Variants in PBX3 observed in about 807,000 individuals in gnomAD.
The protein encoded by PBX3 is PBX homeobox 3, also known as pre-B-cell leukemia transcription factor 3.
PBX3 carries 14 observed loss-of-function variants against 48.5 expected under a neutral mutation model. That is an observed-to-expected ratio of 0.29 (90% CI 0.19 to 0.45). PBX3 has a LOEUF of 0.45. PBX3 is among the 20% of genes least tolerant of loss of function. The pLI is 1.00. For synonymous variants in PBX3, 210 were observed against 200.3 expected, an observed-to-expected ratio of 1.05 and a Z score of -0.41; for missense variants, 386 against 546.7, an observed-to-expected ratio of 0.71 and a Z score of 2.93.
chr9:125,889,924 C>A (rs894174468), intron 2 of PBX3, among the ~76,000 whole-genome samples: 2 of 150,384 alleles, frequency 1.3e-5, no homozygotes, highest in African/African-American at 4.8e-5. Context: ...GCAGAGCGCC[C>A]TGAGCGGTCC....
intron 2 of PBX3, among the ~76,000 whole-genome samples, chr9:125,861,432 A>G (rs1326063107): frequency 6.6e-6 from 1 of 152,202 alleles, no homozygotes; most frequent in Non-Finnish European, 1.5e-5. Context: ...CAGTTCTTCC[A>G]AAGGCTAACT....
Position 125,962,123 on chromosome 9 carries a change from T to G in PBX3, c.1031T>G (p.Leu344Arg), listed in dbSNP as rs537106888. The G allele has an allele frequency of 2.5e-6, 4 of 1,608,410 alleles. No individual in the cohort carries two copies. Among genetic ancestry groups the G allele is most frequent in the Non-Finnish European group, 3.4e-6 (4 of 1,174,988 alleles). ...CCAGGTTCTTCTGGTTCTTTTAACC[T>G]CCCAAATTCTGGGGACATGTTCATG... ...PNSGSSGSFN[L>R]PNSGDMFMNM... Residue 344 changes from leucine (L) to arginine (R), a missense_variant, in exon 7 of 9, where the codon CTC becomes CGC. Leu to Arg is a moderately radical substitution (Grantham distance 102). Transcript: ENST00000373489.
chr9:125,906,022 A>G (rs1010227468), intron 2 of PBX3, among the ~76,000 whole-genome samples: 4 of 152,042 alleles, frequency 2.6e-5, no homozygotes, highest in African/African-American at 4.8e-5. Context: ...AAACATCTAT[A>G]GTACTTACAG....
intron 2 of PBX3, among the ~76,000 whole-genome samples, chr9:125,894,470 G>A (rs1840722954): frequency 1.3e-5 from 2 of 152,014 alleles, no homozygotes; most frequent in Non-Finnish European, 2.9e-5. Context: ...ATATGCATTT[G>A]TTAACATGTG....
At chr9:125,912,463 T>A (rs918681703) in intron 2 of PBX3, among the ~76,000 whole-genome samples, 26 of 152,246 alleles carry the variant, frequency 1.7e-4, no homozygotes, top group Admixed American at 4.6e-4. Flanking sequence ...GTGGGGCAGG[T>A]GCACAGCATG....
intron 2 of PBX3, among the ~76,000 whole-genome samples, chr9:125,879,702 A>G (rs947436593): frequency 5.9e-5 from 9 of 152,250 alleles, no homozygotes; most frequent in African/African-American, 1.9e-4. Context: ...TTGATGTACC[A>G]GTTTCACCAA....
chr9:125,956,779 A>G (rs959960130), intron 5 of PBX3, among the ~76,000 whole-genome samples: 2 of 152,224 alleles, frequency 1.3e-5, no homozygotes, highest in African/African-American at 4.8e-5. Context: ...GGCACAGGAC[A>G]GCGTAGTCCC....
At chr9:125,917,317 A>G (rs1206151953) in intron 3 of PBX3, among the ~76,000 whole-genome samples, 2 of 152,180 alleles carry the variant, frequency 1.3e-5, no homozygotes, top group Non-Finnish European at 2.9e-5. Flanking sequence ...AGTCTCTCCC[A>G]TTATCAGCAT....
intron 2 of PBX3, among the ~76,000 whole-genome samples, chr9:125,803,091 CTT>C (rs59714151): frequency 1.7e-4 from 18 of 108,872 alleles, no homozygotes; most frequent in Non-Finnish European, 1.1e-4. Context: ...CCACTAATGT[CTT>C]TTTTTTTTTT....
At chr9:125,910,369 C>T (rs761868207) in intron 2 of PBX3, among the ~76,000 whole-genome samples, 9 of 152,108 alleles carry the variant, frequency 5.9e-5, no homozygotes, top group Middle Eastern at 3.4e-3. Context: ...CATTATTGCT[C>T]ACAGGAACTT....
chr9:125,966,946 A>C lies in PBX3; in HGVS notation c.*1023A>C, dbSNP rs943319595. The stretch of plus-strand genomic sequence containing the variant: ...AATGTAATGTACATTGTAATCTTTT[A>C]AAAGAAAAATCAGGGTTGCACTTGC... On this transcript the variant is annotated 3_prime_UTR_variant, in exon 9 of 9. Transcript: ENST00000373489. The C allele has an allele frequency of 3.3e-5, 5 of 152,736 alleles. No individual in the cohort carries two copies. Among genetic ancestry groups the C allele is most frequent in the Non-Finnish European group, 2.9e-5 (2 of 68,022 alleles). The allele number at this position is 152,736 out of a possible 1,614,324, so 9.5% of individuals were successfully genotyped here. A position where few individuals can be genotyped will look rare whatever the true frequency, so the allele number is the denominator to read the frequency against.
At chr9:125,926,170 C>T (rs770711431) in intron 3 of PBX3, among the ~76,000 whole-genome samples, 1 of 152,134 alleles carries the variant, frequency 6.6e-6, no homozygotes, top group African/African-American at 2.4e-5. Context: ...AAGATATATA[C>T]GTATATTTAT....
intron 2 of PBX3, among the ~76,000 whole-genome samples, chr9:125,766,495 C>CT (rs1022573983): frequency 1.3e-5 from 2 of 152,024 alleles, no homozygotes; most frequent in African/African-American, 4.8e-5. Context: ...AATAAGCACT[C>CT]TGTTTTCTAG....
intron 2 of PBX3, among the ~76,000 whole-genome samples, chr9:125,868,231 G>T (rs1840037190): frequency 6.6e-6 from 1 of 151,714 alleles, no homozygotes; most frequent in Non-Finnish European, 1.5e-5. Context: ...CAAGCACTTT[G>T]TATGAATTTA....
chr9:125,959,183 G>A (rs1260869023), intron 5 of PBX3, among the ~76,000 whole-genome samples: 1 of 152,238 alleles, frequency 6.6e-6, no homozygotes, highest in Non-Finnish European at 1.5e-5. Flanking sequence ...CCAAATGATA[G>A]TTATTAGAGC....
intron 2 of PBX3, among the ~76,000 whole-genome samples, chr9:125,879,513 TG>T: frequency 6.6e-6 from 1 of 152,320 alleles, no homozygotes; most frequent in East Asian, 1.9e-4. Flanking sequence ...ATTTCAAACT[TG>T]TGGCAAGTGG....
At chr9:125,875,849 A>G (rs1840235730) in intron 2 of PBX3, among the ~76,000 whole-genome samples, 1 of 152,172 alleles carries the variant, frequency 6.6e-6, no homozygotes, top group Admixed American at 6.5e-5. Context: ...ACTATATGCC[A>G]GATGCTGGTG....
At chr9:125,872,368 T>TTTG (rs1840145289) in intron 2 of PBX3, among the ~76,000 whole-genome samples, 1 of 152,102 alleles carries the variant, frequency 6.6e-6, no homozygotes, top group African/African-American at 2.4e-5. Flanking sequence ...ACACACTTAT[T>TTTG]TACAAGAGAC....
chr9:125,875,122 T>C (rs1840217380), intron 2 of PBX3, among the ~76,000 whole-genome samples: 1 of 152,170 alleles, frequency 6.6e-6, no homozygotes, highest in Non-Finnish European at 1.5e-5. Flanking sequence ...TAGAGTTTCT[T>C]TGGGGATACA....
Sources: allele counts gnomAD v4.1 joint callset (sites outside exome capture counted in the v4.1 genomes callset), GRCh38; gene constraint gnomAD v4.1.1; transcripts MANE v1.5; gene names NCBI Gene and HGNC (gene_info 2026-07-23, HGNC 2026-07-21).